The following SOX5 variants were observed in gnomAD, a reference collection of about 807,000 sequenced individuals.
SOX5 encodes the protein SRY-box transcription factor 5, also known as transcription factor SOX-5.
Under a neutral mutation model 92.0 loss-of-function variants are expected in SOX5, and 9 were observed. The observed-to-expected ratio is 0.10, with a 90% CI of 0.06 to 0.17. The LOEUF is 0.17. SOX5 is among the 10% of genes least tolerant of loss of function. The pLI, the probability that SOX5 is intolerant of heterozygous loss-of-function variation, is 1.00. For missense variants in SOX5, 642 were observed against 944.5 expected (o/e 0.68, Z 4.20); for synonymous variants, 344 against 336.3 (o/e 1.02, Z -0.25).
chr12:24,089,428 T>C (rs1374849414), intron 4 of SOX5, among the ~76,000 whole-genome samples: 1 of 152,168 alleles, frequency 6.6e-6, no homozygotes, highest in East Asian at 1.9e-4. Context: ...GCCCTGCCAT[T>C]CTAAAGAATA....
At chr12:24,475,007 T>C (rs1426122454) in intron 1 of SOX5, among the ~76,000 whole-genome samples, 1 of 152,018 alleles carries the variant, frequency 6.6e-6, no homozygotes, top group African/African-American at 2.4e-5. Context: ...CACACCACCA[T>C]GCCCACCTAA....
Position 23,532,125 on chromosome 12 carries a change from ATTT to A in SOX5, c.*2091_*2093del, listed in dbSNP as rs1001176031. Reference sequence around the variant, plus strand: ...TATTATTATTACTATTATTATTATTATTTTATCATCATCATCATTACAACACTA... The same window carrying A: ...TATTATTATTACTATTATTATTATTATATCATCATCATCATTACAACACTA... On this transcript the variant is annotated 3_prime_UTR_variant, in exon 15 of 15. Transcript: ENST00000451604. 6.6e-6 allele frequency: 1 copy of A among 151,268 alleles called. No individual in the cohort carries two copies. Among genetic ancestry groups the A allele is most frequent in the African/African-American group, 2.4e-5 (1 of 41,220 alleles). 9.4% of individuals were successfully genotyped at this position (151,268 alleles called of 1,614,324 possible).
chr12:24,215,427 TA>T (rs1430024969), intron 3 of SOX5, among the ~76,000 whole-genome samples: 1 of 152,078 alleles, frequency 6.6e-6, no homozygotes, highest in African/African-American at 2.4e-5. Flanking sequence ...GATCAATATA[TA>T]AAAATCAATT....
At chr12:24,219,493 A>G (rs1014344324) in intron 3 of SOX5, among the ~76,000 whole-genome samples, 2 of 152,114 alleles carry the variant, frequency 1.3e-5, no homozygotes, top group Non-Finnish European at 1.5e-5. Flanking sequence ...GCGACATAAA[A>G]TTGAAGTTCC....
intron 3 of SOX5, among the ~76,000 whole-genome samples, chr12:24,258,999 A>G (rs1342964336): frequency 6.6e-6 from 1 of 152,224 alleles, no homozygotes; most frequent in Non-Finnish European, 1.5e-5. Context: ...AGGATGGAAG[A>G]CACTATCTTT....
intron 11 of SOX5, among the ~76,000 whole-genome samples, chr12:23,549,161 A>C (rs181260167): frequency 3.3e-3 from 498 of 152,146 alleles, no homozygotes; most frequent in Non-Finnish European, 5.3e-3. Context: ...AATTTCTTAT[A>C]AATAAATTAC....
intron 6 of SOX5, among the ~76,000 whole-genome samples, chr12:23,700,463 C>A (rs1010623928): frequency 4.6e-5 from 7 of 151,998 alleles, no homozygotes; most frequent in Non-Finnish European, 1.0e-4. Flanking sequence ...GCACTTTTAA[C>A]CAAAAACTAG....
chr12:23,972,972 C>CCACT (rs1327747747), intron 4 of SOX5, among the ~76,000 whole-genome samples: 3 of 152,042 alleles, frequency 2.0e-5, no homozygotes, highest in Non-Finnish European at 4.4e-5. Context: ...CCATCCCTTA[C>CCACT]CACTCCCTCC....
At chr12:23,674,018 A>C (rs1213526891) in intron 6 of SOX5, among the ~76,000 whole-genome samples, 1 of 152,162 alleles carries the variant, frequency 6.6e-6, no homozygotes, top group Non-Finnish European at 1.5e-5. Flanking sequence ...TGTACTTTGA[A>C]ATAGGCATGT....
chr12:24,263,773 G>A (rs531466781), intron 3 of SOX5, among the ~76,000 whole-genome samples: 22 of 152,152 alleles, frequency 1.4e-4, no homozygotes, highest in Non-Finnish European at 2.9e-4. Flanking sequence ...ATTTACCTAC[G>A]TAGCATTTCT....
intron 4 of SOX5, among the ~76,000 whole-genome samples, chr12:24,075,457 T>C (rs1942446580): frequency 6.6e-6 from 1 of 152,130 alleles, no homozygotes; most frequent in South Asian, 2.1e-4. Flanking sequence ...AGCTATGACC[T>C]ACATTATCTG....
chr12:23,936,189 G>C (rs1471452009), intron 1 of SOX5, among the ~76,000 whole-genome samples: 7 of 150,780 alleles, frequency 4.6e-5, no homozygotes. Flanking sequence ...ACATCTTGTG[G>C]GTCAATTTAA....
intron 2 of SOX5, among the ~76,000 whole-genome samples, chr12:24,361,611 TTGTGTGTG>T (rs3031192): frequency 2.0e-5 from 3 of 150,392 alleles, no homozygotes; most frequent in South Asian, 2.1e-4. Flanking sequence ...TTTTCAGGTT[TTGTGTGTG>T]TGTGTGTGTG....
At chr12:24,113,427 AAATT>A (rs940538744) in intron 4 of SOX5, among the ~76,000 whole-genome samples, 13 of 152,006 alleles carry the variant, frequency 8.6e-5, no homozygotes, top group African/African-American at 3.1e-4. Context: ...TTTCTGAAAA[AAATT>A]AATGTATATT....
At chr12:24,484,066 T>C (rs1946275989) in intron 1 of SOX5, among the ~76,000 whole-genome samples, 1 of 152,176 alleles carries the variant, frequency 6.6e-6, no homozygotes, top group Admixed American at 6.5e-5. Flanking sequence ...ATAAACATCA[T>C]TTTGCCTGTA....
At chr12:24,054,236 A>G (rs1569525457) in intron 4 of SOX5, among the ~76,000 whole-genome samples, 1 of 152,196 alleles carries the variant, frequency 6.6e-6, no homozygotes, top group Non-Finnish European at 1.5e-5. Flanking sequence ...CGATTAAAGT[A>G]AAAGAGTTAT....
intron 6 of SOX5, among the ~76,000 whole-genome samples, chr12:23,697,588 C>T (rs1419634841): frequency 6.6e-6 from 1 of 152,130 alleles, no homozygotes; most frequent in Non-Finnish European, 1.5e-5. Context: ...TCTCACTCCG[C>T]CACCCAGGCT....
At chr12:24,039,249 T>C (rs1048412124) in intron 4 of SOX5, among the ~76,000 whole-genome samples, 2 of 152,086 alleles carry the variant, frequency 1.3e-5, no homozygotes, top group Non-Finnish European at 2.9e-5. Flanking sequence ...CAAAAGGAGA[T>C]GATGATTTGA....
rs542422338 is a variant in SOX5 at position 23,685,629 on chromosome 12, C to T, written c.811-20065G>A. 1.4e-4 allele frequency among the ~76,000 whole-genome samples: 16 copies of T among 116,652 alleles called. No individual in the cohort carries two copies. The South Asian group carries it at 4.6e-3, about 33-fold the overall frequency. 76.5% of individuals were successfully genotyped at this position (116,652 alleles called of 152,430 possible). On this transcript the variant is annotated intron_variant, in intron 6 of 14. Coordinates refer to ENST00000451604, the MANE Select transcript of SOX5 (RefSeq NM_006940.6). ...TTCTAGCTCTAAAAATCCTTTTTGT[C>T]CCCCCCCCCAAAAATCTAATACAGA...
Sources: allele counts gnomAD v4.1 joint callset (sites outside exome capture counted in the v4.1 genomes callset), GRCh38; gene constraint gnomAD v4.1.1; transcripts MANE v1.5; gene names NCBI Gene and HGNC (gene_info 2026-07-23, HGNC 2026-07-21).